PRKCZ: variants seen among roughly 807,000 people sequenced by gnomAD.
The protein encoded by PRKCZ is protein kinase C zeta type.
Under a neutral mutation model 79.5 loss-of-function variants are expected in PRKCZ, and 33 were observed. That is an observed-to-expected ratio of 0.41 (90% CI 0.31 to 0.55). PRKCZ has a LOEUF of 0.55. PRKCZ is among the 20% of genes least tolerant of loss of function. PRKCZ has a pLI of 0.19. For synonymous variants in PRKCZ, 342 were observed against 320.9 expected, an observed-to-expected ratio of 1.07 and a Z score of -0.70; for missense variants, 578 against 813.5, an observed-to-expected ratio of 0.71 and a Z score of 3.52.
At chr1:2,175,809 C>T (rs184724659) in intron 16 of PRKCZ, among the ~76,000 whole-genome samples, 2 of 152,056 alleles carry the variant, frequency 1.3e-5, no homozygotes, top group Admixed American at 6.5e-5. Context: ...CGGACGAGCT[C>T]GGCCCATGGC....
intron 1 of PRKCZ, among the ~76,000 whole-genome samples, chr1:2,051,513 C>T (rs1417017805): frequency 6.6e-6 from 1 of 152,236 alleles, no homozygotes; most frequent in Non-Finnish European, 1.5e-5. Flanking sequence ...ACCTCCGCTC[C>T]CGCGAGGGTG....
intron 10 of PRKCZ, among the ~76,000 whole-genome samples, chr1:2,159,427 G>A (rs950345687): frequency 1.3e-5 from 2 of 152,254 alleles, no homozygotes; most frequent in African/African-American, 2.4e-5. Context: ...CCCTTGCTGA[G>A]GGCCAGGTGA....
rs780392749 is a variant in PRKCZ, at chr1:2,172,252, G to T, written c.1198-49G>T. On this transcript the variant is annotated intron_variant, in intron 12 of 17. Transcript: ENST00000378567. The surrounding 1 kb of genome is among the most constrained non-coding windows in gnomAD (Gnocchi z 7.8). Reference sequence around the variant, plus strand: ...ATGTGCGTCTCGGGGCGCCTGTCCCGCGGGGTAGTGTCTACAAGAACCCTC... The same window carrying T: ...ATGTGCGTCTCGGGGCGCCTGTCCCTCGGGGTAGTGTCTACAAGAACCCTC... 1.2e-6 allele frequency: 2 copies of T among 1,613,338 alleles called. No homozygotes were observed. The highest frequency in any genetic ancestry group is 4.5e-5 in the East Asian group (2 of 44,866).
intron 4 of PRKCZ, among the ~76,000 whole-genome samples, chr1:2,095,322 G>T (rs983099623): frequency 1.3e-5 from 2 of 152,188 alleles, no homozygotes; most frequent in African/African-American, 4.8e-5. Flanking sequence ...GGTTTTGGAG[G>T]TGGCTGGGCA....
rs561281153 is a variant in PRKCZ at position 2,080,847 on chromosome 1, C to T, written c.334+21256C>T. 1.8e-4 allele frequency among the ~76,000 whole-genome samples: 28 copies of T among 152,302 alleles called. No homozygotes were observed. The South Asian group carries it at 5.4e-3, about 29-fold the overall frequency. Reference sequence around the variant, plus strand: ...GACTTGCCTCATTTTCAACGACCTTCGTAGTTTTAAGGAGGGCTGGTCAGG... The same window carrying T: ...GACTTGCCTCATTTTCAACGACCTTTGTAGTTTTAAGGAGGGCTGGTCAGG... On this transcript the variant is annotated intron_variant, in intron 4 of 17. Transcript: ENST00000378567.
chr1:2,113,198 C>T (rs372200129), intron 4 of PRKCZ, among the ~76,000 whole-genome samples: 3 of 152,220 alleles, frequency 2.0e-5, no homozygotes, highest in East Asian at 3.8e-4. Flanking sequence ...CTAGCGAGTA[C>T]CTCGATTCAT....
Position 2,175,063 on chromosome 1 carries a change from AC to A in PRKCZ, c.1486-160del, listed in dbSNP as rs547217056. On this transcript the variant is annotated intron_variant, in intron 15 of 17. Coordinates refer to ENST00000378567, the MANE Select transcript of PRKCZ (RefSeq NM_002744.6). Reference sequence around the variant, plus strand: ...AGGAAAATGGAACGGAGCTTAACGTACGGGGAAGGAACTTTCAATAAAGGAA... The same window carrying A: ...AGGAAAATGGAACGGAGCTTAACGTAGGGGAAGGAACTTTCAATAAAGGAA... 2.2e-3 allele frequency among the ~76,000 whole-genome samples: 328 copies of A among 152,282 alleles called. 1 individual carries two copies. The highest frequency in any genetic ancestry group is 6.8e-3 in the South Asian group (33 of 4,824).
intron 4 of PRKCZ, among the ~76,000 whole-genome samples, chr1:2,120,352 T>G (rs1282545031): frequency 7.9e-6 from 1 of 126,604 alleles, no homozygotes; most frequent in Non-Finnish European, 1.6e-5. Flanking sequence ...CAGGCTGGAG[T>G]GCAATGGCGC....
chr1:2,109,071 G>T (rs1444979745), intron 4 of PRKCZ, among the ~76,000 whole-genome samples: 1 of 152,120 alleles, frequency 6.6e-6, no homozygotes, highest in Non-Finnish European at 1.5e-5. Flanking sequence ...CCGCAATGAC[G>T]TGGGCCCACC....
At chr1:2,132,848 C>T (rs578023459) in intron 4 of PRKCZ, among the ~76,000 whole-genome samples, 1 of 152,346 alleles carries the variant, frequency 6.6e-6, no homozygotes, top group East Asian at 1.9e-4. Flanking sequence ...CCGCCTGGAC[C>T]GCTGTGACAG....
intron 4 of PRKCZ, chr1:2,074,896 C>A (rs979691520): frequency 2.6e-5 from 4 of 151,754 alleles, no homozygotes; most frequent in Non-Finnish European, 4.4e-5. Flanking sequence ...AAAACAACAA[C>A]CAGCCTCCCC....
At chr1:2,144,521 G>GAGCCCCCACA (rs1189165071) in intron 6 of PRKCZ, 180 bp downstream of exon 6, 6 of 1,424,530 alleles carry the variant, frequency 4.2e-6, no homozygotes, top group Non-Finnish European at 5.5e-6. Context: ...CCATCTTCCT[G>GAGCCCCCACA]AGCCCCCACA....
At chr1:2,064,272 G>T (rs762535347) in intron 4 of PRKCZ, among the ~76,000 whole-genome samples, 5 of 152,188 alleles carry the variant, frequency 3.3e-5, no homozygotes, top group Non-Finnish European at 5.9e-5. Context: ...TGTTAATCCC[G>T]TAGCAGATAT....
At chr1:2,180,458 GCACGGACACCCAGACGA>G (rs1259162886) in intron 16 of PRKCZ, among the ~76,000 whole-genome samples, 2 of 151,056 alleles carry the variant, frequency 1.3e-5, no homozygotes, top group Admixed American at 6.6e-5. Flanking sequence ...TGACTCAGAT[GCACGGACACCCAGACGA>G]CGCGGACGCA....
intron 10 of PRKCZ, among the ~76,000 whole-genome samples, chr1:2,157,935 C>T (rs973994271): frequency 6.6e-6 from 1 of 152,192 alleles, no homozygotes; most frequent in African/African-American, 2.4e-5. Context: ...GCCAGGCTTC[C>T]TAAGCACAGC....
At chr1:2,073,904 G>T (rs928611630) in intron 4 of PRKCZ, 1 of 1,278,652 alleles carries the variant, frequency 7.8e-7, no homozygotes, top group Admixed American at 3.5e-5. Context: ...AAGAATCTGC[G>T]CTGAGGAGGC....
intron 16 of PRKCZ, chr1:2,181,778 C>G (rs932939146): frequency 3.1e-5 from 14 of 454,452 alleles, no homozygotes; most frequent in Non-Finnish European, 5.3e-5. Context: ...CAGCACAGGA[C>G]TAAGGTAGGG....
At chr1:2,142,326 A>G (rs562571899) in intron 5 of PRKCZ, 1 of 156,102 alleles carries the variant, frequency 6.4e-6, no homozygotes, top group African/African-American at 3.7e-5. Flanking sequence ...GGCATCCAGC[A>G]GCCGAAGCGC....
At chr1:2,181,767 G>A (rs761083054) in intron 16 of PRKCZ, 5 of 454,100 alleles carry the variant, frequency 1.1e-5, no homozygotes, top group Non-Finnish European at 2.2e-5. Context: ...CCCTTGTAAA[G>A]CAGCACAGGA....
Sources: allele counts gnomAD v4.1 joint callset (sites outside exome capture counted in the v4.1 genomes callset), GRCh38; gene constraint gnomAD v4.1.1; non-coding constraint Gnocchi (gnomAD v3.1); transcripts MANE v1.5; gene names NCBI Gene and HGNC (gene_info 2026-07-23, HGNC 2026-07-21).